The following XPR1 variants were observed in gnomAD, a reference collection of about 807,000 sequenced individuals.
The protein encoded by XPR1 is solute carrier family 53 member 1.
In XPR1, 28 loss-of-function variants were observed where a neutral mutation model predicts 87.5. The observed-to-expected ratio is 0.32, with a 90% CI of 0.24 to 0.44. The LOEUF is 0.44. Among genes scored for constraint, XPR1 ranks in the 20% least tolerant of loss-of-function variants. The pLI, the probability that XPR1 is intolerant of heterozygous loss-of-function variation, is 1.00. For synonymous variants in XPR1, 300 were observed against 306.1 expected (o/e 0.98, Z 0.21); for missense variants, 559 against 862.3 (o/e 0.65, Z 4.41).
chr1:180,837,100 C>A lies in XPR1; in HGVS notation c.1501+384C>A, dbSNP rs189018939. ...TGGCAATCAAGTATATTTTTAATCG[C>A]TTTCCTTCACCAAGTAGTAAGAATT... On this transcript the variant is annotated intron_variant, in intron 11 of 14. Coordinates refer to ENST00000367590, the MANE Select transcript of XPR1 (RefSeq NM_004736.4). Among the ~76,000 whole-genome samples, 8 of 152,238 alleles carry A rather than the reference C, an allele frequency of 5.3e-5. No individual in the cohort carries two copies. The East Asian group carries it at 1.2e-3, about 22-fold the overall frequency.
chr1:180,875,382 G>A (rs1336778165), intron 13 of XPR1, among the ~76,000 whole-genome samples: 4 of 151,784 alleles, frequency 2.6e-5, no homozygotes, highest in African/African-American at 4.8e-5. Flanking sequence ...GGTGGTGCGC[G>A]CCTGTAGTCC....
At chr1:180,881,009 T>C (rs986805208) in intron 14 of XPR1, among the ~76,000 whole-genome samples, 1 of 152,120 alleles carries the variant, frequency 6.6e-6, no homozygotes, top group Non-Finnish European at 1.5e-5. Context: ...GTGAATAGAC[T>C]AGAGACACAG....
intron 12 of XPR1, among the ~76,000 whole-genome samples, chr1:180,864,670 A>AT (rs1571904357): frequency 2.0e-5 from 3 of 152,156 alleles, no homozygotes; most frequent in African/African-American, 4.8e-5. Context: ...TTATTTTAGG[A>AT]TTTTTTCTAT....
intron 11 of XPR1, among the ~76,000 whole-genome samples, chr1:180,858,534 T>C (rs1420915499): frequency 6.6e-6 from 1 of 152,222 alleles, no homozygotes; most frequent in Admixed American, 6.5e-5. Flanking sequence ...TGCTGTCTAG[T>C]ACAAAATGTT....
chr1:180,881,062 A>G (rs1481927271), intron 14 of XPR1, among the ~76,000 whole-genome samples: 1 of 152,234 alleles, frequency 6.6e-6, no homozygotes, highest in Non-Finnish European at 1.5e-5. Flanking sequence ...AAGAAAAACC[A>G]TGTGACTAGA....
intron 2 of XPR1, among the ~76,000 whole-genome samples, chr1:180,774,717 A>G (rs759583990): frequency 1.3e-4 from 19 of 152,000 alleles, no homozygotes; most frequent in African/African-American, 1.2e-4. Flanking sequence ...TGTCTTTCCT[A>G]TCTTTTTATA....
chr1:180,756,459 T>A (rs1647748001), intron 2 of XPR1, among the ~76,000 whole-genome samples: 1 of 152,220 alleles, frequency 6.6e-6, no homozygotes, highest in Non-Finnish European at 1.5e-5. Context: ...TCTATTCACA[T>A]CCTCTGCCCA....
At chr1:180,679,027 C>T (rs1036412570) in intron 1 of XPR1, among the ~76,000 whole-genome samples, 4 of 152,006 alleles carry the variant, frequency 2.6e-5, no homozygotes, top group Admixed American at 2.6e-4. Flanking sequence ...AACCCCGTCT[C>T]TACTAAAAAT....
intron 2 of XPR1, among the ~76,000 whole-genome samples, chr1:180,687,636 G>T (rs1188858212): frequency 6.6e-6 from 1 of 152,006 alleles, no homozygotes; most frequent in East Asian, 1.9e-4. Context: ...ACTTTAATTT[G>T]CTCTCTGTTA....
chr1:180,838,078 A>G (rs1651366940), intron 11 of XPR1, among the ~76,000 whole-genome samples: 1 of 152,178 alleles, frequency 6.6e-6, no homozygotes, highest in African/African-American at 2.4e-5. Flanking sequence ...CAAAAGCACT[A>G]CTAATAGTTA....
chr1:180,673,199 A>C (rs1199687043), intron 1 of XPR1, among the ~76,000 whole-genome samples: 1 of 152,188 alleles, frequency 6.6e-6, no homozygotes, highest in Non-Finnish European at 1.5e-5. Context: ...GAGATGATCT[A>C]ATATGGGTTA....
intron 2 of XPR1, among the ~76,000 whole-genome samples, chr1:180,739,444 G>A (rs1422657381): frequency 1.3e-5 from 2 of 151,804 alleles, no homozygotes; most frequent in Non-Finnish European, 2.9e-5. Context: ...TTTAGACTCC[G>A]TTTGTCTATA....
chr1:180,831,211 C>T (rs12075235), intron 9 of XPR1, among the ~76,000 whole-genome samples: 6,546 of 152,172 alleles, frequency 0.043, 503 homozygotes, highest in African/African-American at 0.15. Flanking sequence ...ATTCAGTTAG[C>T]TAAGATGGAG....
At chr1:180,683,170 G>A (rs1300075618) in intron 2 of XPR1, among the ~76,000 whole-genome samples, 1 of 148,728 alleles carries the variant, frequency 6.7e-6, no homozygotes, top group Non-Finnish European at 1.5e-5. Context: ...CTGTGACCAT[G>A]TGTTCTCATT....
At chr1:180,780,855 G>A (rs949638271) in intron 2 of XPR1, among the ~76,000 whole-genome samples, 2 of 151,282 alleles carry the variant, frequency 1.3e-5, no homozygotes, top group Non-Finnish European at 2.9e-5. Flanking sequence ...ATATGGGTTT[G>A]CAAATGTTTT....
rs955541852 is a variant in XPR1 at position 180,646,750 on chromosome 1, A to G, written c.69+14480A>G. 5.9e-5 allele frequency among the ~76,000 whole-genome samples: 9 copies of G among 152,172 alleles called. No individual in the cohort carries two copies. In the East Asian group the frequency reaches 1.3e-3, roughly 23 times the overall value. On this transcript the variant is annotated intron_variant, in intron 1 of 14. Coordinates refer to ENST00000367590, the MANE Select transcript of XPR1 (RefSeq NM_004736.4). Reference sequence around the variant, plus strand: ...GAAACTGTGACCGAGACAAATGCGCAGTGCAGGAAAGAGGCGTGGGTGGAA... The same window carrying G: ...GAAACTGTGACCGAGACAAATGCGCGGTGCAGGAAAGAGGCGTGGGTGGAA...
intron 3 of XPR1, among the ~76,000 whole-genome samples, chr1:180,796,752 G>A (rs1022885395): frequency 2.0e-5 from 3 of 152,004 alleles, no homozygotes; most frequent in Admixed American, 1.3e-4. Context: ...AAATATAATC[G>A]CTTCTCGGCC....
Position 180,873,825 on chromosome 1 carries a change from T to C in XPR1, c.1691T>C (p.Ile564Thr), listed in dbSNP as rs1229031521. 1.2e-6 allele frequency: 2 copies of C among 1,614,036 alleles called. No individual in the cohort carries two copies. The highest frequency in any genetic ancestry group is 1.1e-5 in the South Asian group (1 of 91,008). The change falls in exon 13 of 15, where the codon ATA becomes ACA. Residue 564 changes from isoleucine (I) to threonine (T), a missense_variant. This residue lies in a region of XPR1 where 264 missense variants were observed against 377.2 expected (regional missense o/e 0.70). Coordinates refer to ENST00000367590, the MANE Select transcript of XPR1 (RefSeq NM_004736.4). Reference sequence around the variant, plus strand: ...CAGGCCTACTACTACTGTGCCATAATAGAGGATGTGATTCTGCGCTTTGCT... The same window carrying C: ...CAGGCCTACTACTACTGTGCCATAACAGAGGATGTGATTCTGCGCTTTGCT... The part of the protein sequence containing the change: ...PQKAYYYCAI[I>T]EDVILRFAWT...
At chr1:180,855,397 T>G (rs1651993728) in intron 11 of XPR1, among the ~76,000 whole-genome samples, 1 of 152,196 alleles carries the variant, frequency 6.6e-6, no homozygotes, top group Non-Finnish European at 1.5e-5. Flanking sequence ...CTGGGCACAG[T>G]GGCTCACACC....
Sources: allele counts gnomAD v4.1 joint callset (sites outside exome capture counted in the v4.1 genomes callset), GRCh38; gene constraint gnomAD v4.1.1; regional missense constraint gnomAD v4.1.1; transcripts MANE v1.5; gene names NCBI Gene and HGNC (gene_info 2026-07-23, HGNC 2026-07-21).